Variants in CFAP251 observed in about 807,000 individuals in gnomAD.
CFAP251 encodes the protein cilia- and flagella-associated protein 251.
Under a neutral mutation model 126.7 loss-of-function variants are expected in CFAP251, and 93 were observed. That is an observed-to-expected ratio of 0.73 (90% CI 0.62 to 0.87). CFAP251 has a LOEUF of 0.87. Ranked by LOEUF, CFAP251 falls within the 40% of genes least tolerant of loss-of-function variation. The pLI, the probability that CFAP251 is intolerant of heterozygous loss-of-function variation, is 0.00. For missense variants in CFAP251, 1,287 were observed against 1,389.2 expected (o/e 0.93, Z 1.17); for synonymous variants, 503 against 506.9 (o/e 0.99, Z 0.10).
At chr12:121,992,567 A>C in intron 19 of CFAP251, 5 of 854,610 alleles carry the variant, frequency 5.9e-6, no homozygotes, top group Non-Finnish European at 7.0e-6. Flanking sequence ...TATATATATT[A>C]TTTCTTTTTT....
chr12:121,990,523 C>T (rs75007556), intron 19 of CFAP251, among the ~76,000 whole-genome samples: 4 of 152,178 alleles, frequency 2.6e-5, no homozygotes, highest in Non-Finnish European at 5.9e-5. Flanking sequence ...TCCCAGCATA[C>T]AGTGTCTTCC....
intron 15 of CFAP251, among the ~76,000 whole-genome samples, chr12:121,964,817 T>G (rs11043275): frequency 1.3e-5 from 2 of 151,984 alleles, no homozygotes; most frequent in African/African-American, 2.4e-5. Flanking sequence ...GGAAATCTCA[T>G]GAACCCGGGA....
At chr12:121,920,196 A>T (rs1880103343) in intron 1 of CFAP251, among the ~76,000 whole-genome samples, 1 of 150,822 alleles carries the variant, frequency 6.6e-6, no homozygotes, top group Admixed American at 6.6e-5. Flanking sequence ...AGAGAAAAAA[A>T]AAAAAAAGGT....
intron 19 of CFAP251, among the ~76,000 whole-genome samples, chr12:121,977,751 C>T (rs528598889): frequency 5.3e-5 from 8 of 150,356 alleles, no homozygotes; most frequent in African/African-American, 2.0e-4. Context: ...GTCAGAAGAT[C>T]GAGACCATCC....
chr12:121,929,717 G>A (rs1880601437), intron 3 of CFAP251, among the ~76,000 whole-genome samples: 1 of 149,268 alleles, frequency 6.7e-6, no homozygotes, highest in East Asian at 2.0e-4. Context: ...TTGCTCTGTT[G>A]CCCAGGCTGG....
chr12:121,998,432 A>AATATATAT (rs71082926), intron 19 of CFAP251: 7 of 85,642 alleles, frequency 8.2e-5, no homozygotes, highest in African/African-American at 2.2e-4. Flanking sequence ...TTTTTAGTGT[A>AATATATAT]ATATATATAT....
At chr12:121,933,953 G>A (rs1880790771) in intron 4 of CFAP251, among the ~76,000 whole-genome samples, 1 of 152,156 alleles carries the variant, frequency 6.6e-6, no homozygotes, top group Admixed American at 6.6e-5. Context: ...GGGGAGGGGA[G>A]GACCCAGATG....
chr12:121,928,718 A>G (rs1880557834), intron 3 of CFAP251, among the ~76,000 whole-genome samples: 1 of 140,668 alleles, frequency 7.1e-6, no homozygotes. Flanking sequence ...TTTTTTTGAG[A>G]CAGGGTCTTG....
intron 21 of CFAP251, among the ~76,000 whole-genome samples, chr12:122,003,408 CA>C (rs1236187305): frequency 1.3e-5 from 2 of 151,918 alleles, no homozygotes; most frequent in Admixed American, 6.6e-5. Flanking sequence ...CCCATCTCTA[CA>C]AAAAAATTTT....
rs756305072 is a variant in CFAP251 at position 121,975,341 on chromosome 12, G to A, written c.2862+7G>A. ...GGAAGGAAAATTCTACAGGGTAATT[G>A]TCCCTAGAGTAAACACCTCCTGGTA... On this transcript the variant is annotated splice_region_variant and intron_variant, in intron 18 of 21. Transcript: ENST00000288912. The A allele has an allele frequency of 1.7e-5, 28 of 1,612,554 alleles. No homozygotes were observed.
chr12:121,928,707 T>A (rs541369584), intron 3 of CFAP251, among the ~76,000 whole-genome samples: 3,252 of 67,338 alleles, frequency 0.048, 137 homozygotes, highest in Non-Finnish European at 0.073. Flanking sequence ...TATATATATT[T>A]TTTTTTTGAG....
At chr12:121,950,368 G>A (rs1881477206) in intron 8 of CFAP251, 1 of 152,194 alleles carries the variant, frequency 6.6e-6, no homozygotes, top group South Asian at 2.1e-4. Flanking sequence ...TTATGAAAAT[G>A]TCTTGGATCT....
chr12:121,990,874 G>A (rs1459146041), intron 19 of CFAP251, among the ~76,000 whole-genome samples: 1 of 152,196 alleles, frequency 6.6e-6, no homozygotes. Flanking sequence ...CGCTTTCCTT[G>A]TGTATATCGT....
chr12:122,001,410 TA>T, intron 20 of CFAP251, 86 bp from the exon 21 acceptor site: 2 of 1,223,330 alleles, frequency 1.6e-6, no homozygotes, highest in Non-Finnish European at 2.4e-6. Context: ...TAATTCTCTT[TA>T]AGACCTCTGA....
At chr12:121,996,953 A>AAAGCAAAC (rs2096913355) in intron 19 of CFAP251, 1 of 152,234 alleles carries the variant, frequency 6.6e-6, no homozygotes, top group African/African-American at 2.4e-5. Context: ...ATCCAGATGC[A>AAAGCAAAC]TGAATCAAAG....
At chr12:121,953,210 T>C (rs550676592) in intron 9 of CFAP251, 4 of 152,264 alleles carry the variant, frequency 2.6e-5, no homozygotes, top group South Asian at 4.1e-4. Context: ...TGTTTCAGGG[T>C]CAATTTAAAT....
intron 13 of CFAP251, among the ~76,000 whole-genome samples, chr12:121,959,921 C>T (rs1162959369): frequency 2.6e-5 from 4 of 151,930 alleles, no homozygotes; most frequent in South Asian, 2.1e-4. Flanking sequence ...GGCAGGAGTT[C>T]GAGACCAGCC....
chr12:121,986,464 A>ATT (rs557484598), intron 19 of CFAP251, among the ~76,000 whole-genome samples: 1 of 146,926 alleles, frequency 6.8e-6, no homozygotes, highest in East Asian at 2.0e-4. Context: ...CGCCTGGCTA[A>ATT]TTTTTTTTTT....
chr12:121,994,967 TAAA>T (rs141645865), intron 19 of CFAP251, among the ~76,000 whole-genome samples: 119 of 150,192 alleles, frequency 7.9e-4, no homozygotes, highest in African/African-American at 2.5e-3. Context: ...AAAAATAAAT[TAAA>T]AAAAAAATAA....
Sources: gnomAD v4.1 joint callset for allele counts (sites outside exome capture counted in the v4.1 genomes callset) on GRCh38, gnomAD v4.1.1 for gene constraint, MANE v1.5 for transcripts, NCBI Gene and HGNC (gene_info 2026-07-23, HGNC 2026-07-21) for gene names.